ACTR6: variants seen among roughly 807,000 people sequenced by gnomAD.
The protein encoded by ACTR6 is actin-related protein 6.
Under a neutral mutation model 52.5 loss-of-function variants are expected in ACTR6, and 50 were observed. The ratio of observed to expected loss-of-function variants is 0.95; its 90% CI spans 0.76 to 1.20. The LOEUF is 1.20. Ranked by LOEUF, ACTR6 falls within the 50% of genes most tolerant of loss-of-function variation. ACTR6 has a pLI of 0.00. For missense variants in ACTR6, 344 were observed against 472.4 expected (o/e 0.73, Z 2.52); for synonymous variants, 135 against 147.2 (o/e 0.92, Z 0.60).
At chr12:100,217,702 A>G (rs2096124912) in intron 8 of ACTR6, among the ~76,000 whole-genome samples, 2 of 152,212 alleles carry the variant, frequency 1.3e-5, no homozygotes. Flanking sequence ...GATAAGGACC[A>G]TGGACTTGCT....
At position 100,201,117 on chromosome 12, in the gene ACTR6, G is replaced by A. The variant is rs2096109314; in HGVS notation, c.68+198G>A. On this transcript the variant is annotated intron_variant, in intron 1 of 10. Transcript: ENST00000188312. ...GATTTTGGTTTTAGTTTTGGGCTGC[G>A]AGGCCCCGGAAGTGGGATATATGTT... The A allele has an allele frequency of 5.1e-6, 7 of 1,378,016 alleles. No homozygotes were observed. In the Admixed American group the frequency reaches 1.9e-4, roughly 37 times the overall value. 85.4% of individuals were successfully genotyped at this position (1,378,016 alleles called of 1,614,324 possible).
At chr12:100,209,778 A>G (rs1367039529) in intron 4 of ACTR6, among the ~76,000 whole-genome samples, 2 of 152,242 alleles carry the variant, frequency 1.3e-5, no homozygotes, top group African/African-American at 2.4e-5. Context: ...CTGGCATGTA[A>G]TAAATGATCA....
chr12:100,202,846 A>G (rs1452684625), intron 1 of ACTR6, among the ~76,000 whole-genome samples: 3 of 149,940 alleles, frequency 2.0e-5, no homozygotes, highest in African/African-American at 7.5e-5. Context: ...CGACAAAGCG[A>G]GACTCGGTCT....
chr12:100,207,782 A>T lies in ACTR6; in HGVS notation c.375A>T (p.Val125=). The T allele has an allele frequency of 6.3e-7, 1 of 1,595,684 alleles. No homozygotes were observed. The highest frequency in any genetic ancestry group is 8.6e-7 in the Non-Finnish European group (1 of 1,166,886). Residue 125 remains valine, a synonymous_variant, in exon 4 of 11, where the codon GTA becomes GTT. Transcript: ENST00000188312. ...ACCAGTTTCAAGCAGTATTAAGAGTAAATGGTGAGTTCAAGTTTTCACTGA... is the reference window on the plus strand; with the variant it reads ...ACCAGTTTCAAGCAGTATTAAGAGTTAATGGTGAGTTCAAGTTTTCACTGA... ...EEYQFQAVLR[V]NAGALSAHRY...
Position 100,212,498 on chromosome 12 carries a change from C to T in ACTR6, c.720C>T (p.Asp240=). The T allele has an allele frequency of 6.2e-7, 1 of 1,613,744 alleles. No individual in the cohort carries two copies. Among genetic ancestry groups the T allele is most frequent in the Non-Finnish European group, 8.5e-7 (1 of 1,179,792 alleles). The change falls in exon 8 of 11, where the codon GAC becomes GAT. Residue 240 remains aspartate (D), a synonymous_variant. Transcript: ENST00000188312. The stretch of plus-strand genomic sequence containing the variant: ...TAATGATAGACTATGTCTTGCCTGA[C>T]TTCAGTACAATTAAAAAGGGCTTTT... ...NTVMIDYVLP[D]FSTIKKGFCK...
intron 1 of ACTR6, 43 bp downstream of exon 1, chr12:100,200,962 G>C: frequency 6.2e-7 from 1 of 1,613,416 alleles, no homozygotes; most frequent in Admixed American, 1.7e-5. Flanking sequence ...TATACGCCTA[G>C]TGGTTTCATG....
At chr12:100,223,740 G>A in intron 10 of ACTR6, 46 bp from the exon 11 acceptor site, 1 of 1,572,836 alleles carries the variant, frequency 6.4e-7, no homozygotes, top group South Asian at 1.2e-5. Context: ...AGGCATTTCA[G>A]TTTTCCTGTA....
chr12:100,221,446 C>G (rs73374441), intron 10 of ACTR6, among the ~76,000 whole-genome samples: 20,930 of 152,072 alleles, frequency 0.14, 3,432 homozygotes, highest in African/African-American at 0.4. Flanking sequence ...GTTCTTAAGA[C>G]TATAAAGCAT....
chr12:100,202,509 G>A (rs1017217727), intron 1 of ACTR6, among the ~76,000 whole-genome samples: 1 of 151,988 alleles, frequency 6.6e-6, no homozygotes, highest in Non-Finnish European at 1.5e-5. Flanking sequence ...TTATCCCAGT[G>A]TCATCTCGTA....
Position 100,218,856 on chromosome 12 carries a change from A to G in ACTR6, c.922+270A>G, listed in dbSNP as rs945253203. On this transcript the variant is annotated intron_variant, in intron 9 of 10. Coordinates refer to ENST00000188312, the MANE Select transcript of ACTR6 (RefSeq NM_022496.5). This position sits in a 1 kb window ranked among gnomAD's most constrained non-coding sequence, Gnocchi z 4.2. ...ATCTCTCCATGAGCATTAAATTGCC[A>G]TATCCATTTTAGGAAAGTTTTAATT... Among the ~76,000 whole-genome samples, 1 of 152,186 alleles carries G rather than the reference A, an allele frequency of 6.6e-6. No individual in the cohort carries two copies. The highest frequency in any genetic ancestry group is 2.1e-4 in the South Asian group (1 of 4,824).
chr12:100,208,921 A>AT (rs1177157142), intron 4 of ACTR6: 4 of 365,190 alleles, frequency 1.1e-5, no homozygotes, highest in South Asian at 6.1e-5. Flanking sequence ...TGATTTATTT[A>AT]TTTTTTGTAG....
In ACTR6 at chr12:100,205,667, A is replaced by C. The variant is rs779806999; in HGVS notation, c.187-9A>C. On this transcript the variant is annotated splice_polypyrimidine_tract_variant and intron_variant, in intron 2 of 10. Transcript: ENST00000188312. ...TCTTGATAATTAAATTTATAAAAAC[A>C]TTTTTTAGGGCTACTTGGTGAATTG... is the stretch of plus-strand genomic sequence containing the variant. 10 of 1,498,676 alleles carry C rather than the reference A, an allele frequency of 6.7e-6. No homozygotes were observed. Among genetic ancestry groups the C allele is most frequent in the Non-Finnish European group, 8.9e-6 (10 of 1,123,548 alleles). The allele number at this position is 1,498,676 out of a possible 1,614,324, so 92.8% of individuals were successfully genotyped here. A position where few individuals can be genotyped will look rare whatever the true frequency, so the allele number is the denominator to read the frequency against.
chr12:100,214,297 G>T (rs1450112824), intron 8 of ACTR6, among the ~76,000 whole-genome samples: 1 of 152,044 alleles, frequency 6.6e-6, no homozygotes, highest in Non-Finnish European at 1.5e-5. Flanking sequence ...TGAATACATG[G>T]GTTTTATATA....
At position 100,218,268 on chromosome 12, in the gene ACTR6, C is replaced by A. The variant is rs1052618628; in HGVS notation, c.751-147C>A. The A allele has an allele frequency of 1.9e-5, 9 of 463,430 alleles. No homozygotes were observed. The highest frequency in any genetic ancestry group is 2.9e-5 in the Non-Finnish European group (9 of 307,996). The allele number at this position is 463,430 out of a possible 1,614,324, so 28.7% of individuals were successfully genotyped here. A position where few individuals can be genotyped will look rare whatever the true frequency, so the allele number is the denominator to read the frequency against. The stretch of plus-strand genomic sequence containing the variant: ...GCAACAGTAAAGGCAGCCACACATT[C>A]TTCTAAATTTTGAGAATCCTGAAAC... On this transcript the variant is annotated intron_variant, in intron 8 of 10. Transcript: ENST00000188312. This position sits in a 1 kb window ranked among gnomAD's most constrained non-coding sequence, Gnocchi z 4.2.
At chr12:100,219,406 T>C (rs979378619) in intron 9 of ACTR6, among the ~76,000 whole-genome samples, 2 of 152,138 alleles carry the variant, frequency 1.3e-5, no homozygotes, top group Non-Finnish European at 2.9e-5. Flanking sequence ...GATTTTCCAG[T>C]GGTGTTTTGA....
At chr12:100,213,022 A>AT (rs2096121156) in intron 8 of ACTR6, among the ~76,000 whole-genome samples, 4 of 151,688 alleles carry the variant, frequency 2.6e-5, no homozygotes, top group African/African-American at 9.7e-5. Context: ...AAAAAAAAAA[A>AT]AAAAAAGAAT....
chr12:100,215,901 G>A (rs921394231), intron 8 of ACTR6, among the ~76,000 whole-genome samples: 2 of 152,066 alleles, frequency 1.3e-5, no homozygotes, highest in African/African-American at 4.8e-5. Flanking sequence ...ATATTTTTAA[G>A]TAGCTGGGGG....
rs764129838 is a variant in ACTR6 at position 100,204,977 on chromosome 12, C to T, written c.106C>T (p.Arg36Cys). The T allele has an allele frequency of 1.6e-5, 26 of 1,611,922 alleles. No individual in the cohort carries two copies. The highest frequency in any genetic ancestry group is 1.2e-4 in the Admixed American group (7 of 59,832). The stretch of plus-strand genomic sequence containing the variant: ...TTGTCAGTTCCGGTCAAAAACAGCA[C>T]GTCTTAAAACTTTTACTGCCAACCA... ...PNCQFRSKTA[R>C]LKTFTANQID... The change falls in exon 2 of 11, where the codon CGT becomes TGT. Residue 36 changes from arginine (R) to cysteine (C), a missense_variant. Physicochemically the swap from Arg to Cys is radical, Grantham distance 180 (BLOSUM62 -3). Transcript: ENST00000188312.
rs1287198391 is a variant in ACTR6, at chr12:100,200,879, G to GCA, written c.29_30insAC (p.Tyr11LeufsTer36). 1 of 1,614,052 alleles carries GCA rather than the reference G, an allele frequency of 6.2e-7. No homozygotes were observed. The highest frequency in any genetic ancestry group is 8.5e-7 in the Non-Finnish European group (1 of 1,180,032). On this transcript the variant is annotated frameshift_variant, in exon 1 of 11. Transcript: ENST00000188312. LOFTEE classifies it high-confidence loss of function. ...GACGACCTTAGTGCTGGATAATGGA[G>GCA]CTTACAACGCCAAAATCGGTTACAG...
Sources: allele counts gnomAD v4.1 joint callset (sites outside exome capture counted in the v4.1 genomes callset), GRCh38; gene constraint gnomAD v4.1.1; non-coding constraint Gnocchi (gnomAD v3.1); transcripts MANE v1.5; gene names NCBI Gene and HGNC (gene_info 2026-07-23, HGNC 2026-07-21).